AOX1: variants seen among roughly 807,000 people sequenced by gnomAD.
AOX1 encodes the protein aldehyde oxidase.
Under a neutral mutation model 169.5 loss-of-function variants are expected in AOX1, and 153 were observed. That is an observed-to-expected ratio of 0.90 (90% CI 0.79 to 1.03). The LOEUF is 1.03. Among genes scored for constraint, AOX1 ranks in the 50% least tolerant of loss-of-function variants. The pLI, the probability that AOX1 is intolerant of heterozygous loss-of-function variation, is 0.00. For missense variants in AOX1, 1,656 were observed against 1,663.9 expected, an observed-to-expected ratio of 1.00 and a Z score of 0.08; for synonymous variants, 562 against 581.9, an observed-to-expected ratio of 0.97 and a Z score of 0.49.
At position 200,655,188 on chromosome 2, in the gene AOX1, G is replaced by A. The variant is rs113697614; in HGVS notation, c.3076-1654G>A. On this transcript the variant is annotated intron_variant, in intron 26 of 34. Coordinates refer to ENST00000374700, the MANE Select transcript of AOX1 (RefSeq NM_001159.4). Reference sequence around the variant, plus strand: ...ACCAAACATTTACTGAGCACCTACCGCATGTGTGTTGCTATGTTGCATTCC... The same window carrying A: ...ACCAAACATTTACTGAGCACCTACCACATGTGTGTTGCTATGTTGCATTCC... Among the ~76,000 whole-genome samples, 9 of 152,260 alleles carry A rather than the reference G, an allele frequency of 5.9e-5. No homozygotes were observed. In the East Asian group the frequency reaches 1.2e-3, roughly 20 times the overall value.
chr2:200,620,603 T>G, intron 16 of AOX1, 47 bp from the exon 17 acceptor site: 1 of 1,419,944 alleles, frequency 7.0e-7, no homozygotes, highest in Non-Finnish European at 9.3e-7. Flanking sequence ...TAATTCCTAC[T>G]TTCTCTATAG....
downstream of AOX1, among the ~76,000 whole-genome samples, chr2:200,674,890 C>T (rs1047584046): frequency 6.6e-6 from 1 of 152,198 alleles, no homozygotes; most frequent in African/African-American, 2.4e-5. Context: ...GCCTTTCCTG[C>T]CTGCAAGATC....
chr2:200,634,935 G>A lies in AOX1; in HGVS notation c.2346+20G>A. On this transcript the variant is annotated intron_variant, in intron 21 of 34. Coordinates refer to ENST00000374700, the MANE Select transcript of AOX1 (RefSeq NM_001159.4). ...ATACAGGTAACATGGGGCCATTGTG[G>A]AGAGGACATGGCTAAATGATTTCTG... is the stretch of plus-strand genomic sequence containing the variant. 1 of 1,613,236 alleles carries A rather than the reference G, an allele frequency of 6.2e-7. No homozygotes were observed. Among genetic ancestry groups the A allele is most frequent in the Non-Finnish European group, 8.5e-7 (1 of 1,179,590 alleles).
At chr2:200,609,268 G>A in intron 11 of AOX1, 53 bp from the exon 12 acceptor site, 1 of 1,598,662 alleles carries the variant, frequency 6.3e-7, no homozygotes. Flanking sequence ...CCTTATTTTA[G>A]CACTTGCTTT....
rs201174501 is a variant in AOX1 at position 200,628,925 on chromosome 2, TCAAACAAACAAA to T, written c.2221+1493_2221+1504del. The stretch of plus-strand genomic sequence containing the variant: ...CTGGGTGACAGAAGGAGACTCCATC[TCAAACAAACAAA>T]CAAACAAACAAACAAAAAACACAAC... On this transcript the variant is annotated intron_variant, in intron 20 of 34. Coordinates refer to ENST00000374700, the MANE Select transcript of AOX1 (RefSeq NM_001159.4). Among the ~76,000 whole-genome samples, 9 of 151,990 alleles carry T rather than the reference TCAAACAAACAAA, an allele frequency of 5.9e-5. No individual in the cohort carries two copies. In the South Asian group the frequency reaches 1.0e-3, roughly 18 times the overall value.
chr2:200,616,822 C>T (rs2034767355), intron 16 of AOX1, among the ~76,000 whole-genome samples: 1 of 152,106 alleles, frequency 6.6e-6, no homozygotes, highest in African/African-American at 2.4e-5. Context: ...CTTTTTAAAG[C>T]ATTTGTTCAC....
intron 2 of AOX1, 132 bp downstream of exon 2, chr2:200,593,335 A>G: frequency 2.7e-6 from 2 of 751,358 alleles, no homozygotes; most frequent in South Asian, 2.1e-5. Flanking sequence ...TTTTATGCTC[A>G]TATTTGAGAA....
intron 10 of AOX1, 33 bp downstream of exon 10, chr2:200,605,661 G>T: frequency 9.0e-7 from 1 of 1,108,114 alleles, no homozygotes. Context: ...TCTTAGTTAA[G>T]ATGCATTAAT....
At chr2:200,659,548 A>C (rs1452464797) in intron 28 of AOX1, among the ~76,000 whole-genome samples, 1 of 152,124 alleles carries the variant, frequency 6.6e-6, no homozygotes, top group African/African-American at 2.4e-5. Flanking sequence ...TTCTGCTTCC[A>C]TATTATGTTA....
At chr2:200,598,941 C>G (rs565707546) in intron 4 of AOX1, among the ~76,000 whole-genome samples, 2 of 152,204 alleles carry the variant, frequency 1.3e-5, no homozygotes, top group South Asian at 2.1e-4. Flanking sequence ...ATCATTATGA[C>G]ATATCATTAA....
chr2:200,621,171 G>A lies in AOX1; in HGVS notation c.1926G>A (p.Met642Ile). The change falls in exon 18 of 35, where the codon ATG becomes ATA. Residue 642 changes from methionine (M) to isoleucine (I), a missense_variant. Physicochemically the swap from Met to Ile is conservative, Grantham distance 10 (BLOSUM62 1). Transcript: ENST00000374700. ...GCATGCCCGGTGTGGTGGACATCAT[G>A]ACAGCAGAACATCTTAGTGACGTCA... Reference protein sequence around the residue: ...ALSMPGVVDIMTAEHLSDVNS... With the variant: ...ALSMPGVVDIITAEHLSDVNS... 1.2e-6 allele frequency: 2 copies of A among 1,614,138 alleles called. No homozygotes were observed. The highest frequency in any genetic ancestry group is 1.1e-5 in the South Asian group (1 of 91,080).
In AOX1 at chr2:200,659,260, T is replaced by C; in HGVS notation, c.3267T>C (p.Ser1089=). Residue 1089 remains serine, a synonymous_variant, in exon 28 of 35, where the codon TCT becomes TCC. Transcript: ENST00000374700. ...CTAATGCAAATATCTCTGGAGGTTC[T>C]GTGGTGGCAGATCTCAACGGTTTGG... ...TVPNANISGG[S]VVADLNGLAV... is the part of the protein sequence containing the mutation. 2 of 1,613,658 alleles carry C rather than the reference T, an allele frequency of 1.2e-6. No individual in the cohort carries two copies. Among genetic ancestry groups the C allele is most frequent in the Non-Finnish European group, 1.7e-6 (2 of 1,179,742 alleles).
At chr2:200,673,680 A>G (rs1045473257), downstream of AOX1, among the ~76,000 whole-genome samples, 6 of 152,216 alleles carry the variant, frequency 3.9e-5, no homozygotes, top group African/African-American at 1.2e-4. Flanking sequence ...CAAAATCATC[A>G]TGTTACACTC....
At position 200,669,731 on chromosome 2, in the gene AOX1, T is replaced by C; in HGVS notation, c.3955T>C (p.Phe1319Leu). 6.2e-7 allele frequency: 1 copy of C among 1,610,312 alleles called. No homozygotes were observed. Among genetic ancestry groups the C allele is most frequent in the Admixed American group, 1.7e-5 (1 of 58,952 alleles). ...EKIRMACEDK[F>L]TKMIPRDEPG... The stretch of plus-strand genomic sequence containing the variant: ...GATTAGGATGGCCTGTGAAGACAAG[T>C]TCACAAAAATGGTACGTTTGCATGG... The change falls in exon 34 of 35, where the codon TTC becomes CTC. Residue 1319 changes from phenylalanine (F) to leucine (L), a missense_variant. By Grantham distance (22) the Phe-to-Leu change is conservative (BLOSUM62 0). Coordinates refer to ENST00000374700, the MANE Select transcript of AOX1 (RefSeq NM_001159.4).
At chr2:200,650,901 G>C (rs750159053) in intron 25 of AOX1, 73 bp from the exon 26 acceptor site, 1 of 1,406,202 alleles carries the variant, frequency 7.1e-7, no homozygotes, top group African/African-American at 1.4e-5. Context: ...AATTTGACCA[G>C]GAGGATGGTG....
At chr2:200,630,210 TAA>T (rs57410809) in intron 20 of AOX1, among the ~76,000 whole-genome samples, 12,750 of 94,206 alleles carry the variant, frequency 0.14, 940 homozygotes, top group Non-Finnish European at 0.19. Context: ...TCCTTCTATT[TAA>T]AAAAAAAAAA....
intron 20 of AOX1, among the ~76,000 whole-genome samples, chr2:200,632,259 AC>A (rs1484783690): frequency 1.3e-5 from 2 of 151,478 alleles, no homozygotes; most frequent in African/African-American, 4.8e-5. Flanking sequence ...ACCTCCTTGT[AC>A]AGATTTTTTT....
intron 18 of AOX1, 45 bp from the exon 19 acceptor site, chr2:200,623,816 C>G: frequency 3.1e-6 from 5 of 1,611,584 alleles, no homozygotes; most frequent in Non-Finnish European, 4.2e-6. Context: ...AAGAGAGGAC[C>G]TGATGCCTGC....
At position 200,597,486 on chromosome 2, in the gene AOX1, C is replaced by G; in HGVS notation, c.290C>G (p.Thr97Ser). Residue 97 changes from threonine to serine, a missense_variant, in exon 4 of 35, where the codon ACC (threonine) becomes AGC (serine). Physicochemically the swap from Thr to Ser is moderately conservative, Grantham distance 58. Transcript: ENST00000374700. ...TTVEGIGSTH[T>S]RIHPVQERIA... ...GTAGAAGGCATAGGAAGCACCCACA[C>G]CAGAATTCATCCTGTTCAGGTGAGG... 1 of 1,611,818 alleles carries G rather than the reference C, an allele frequency of 6.2e-7. No homozygotes were observed. Among genetic ancestry groups the G allele is most frequent in the Non-Finnish European group, 8.5e-7 (1 of 1,178,700 alleles).
Sources: allele counts gnomAD v4.1 joint callset (sites outside exome capture counted in the v4.1 genomes callset), GRCh38; gene constraint gnomAD v4.1.1; transcripts MANE v1.5; gene names NCBI Gene and HGNC (gene_info 2026-07-23, HGNC 2026-07-21).